The following NHSL2 variants were observed in gnomAD, a reference collection of about 807,000 sequenced individuals.
NHSL2 encodes the protein NHS like 2.
A neutral mutation model predicts 53.4 loss-of-function variants in NHSL2; 27 were observed. That is an observed-to-expected ratio of 0.51 (90% CI 0.37 to 0.70). NHSL2 has a LOEUF of 0.70. Among genes scored for constraint, NHSL2 ranks in the 30% least tolerant of loss-of-function variants. The pLI is 0.00. For synonymous variants in NHSL2, 408 were observed against 404.1 expected (o/e 1.01, Z -0.12); for missense variants, 892 against 980.1 (o/e 0.91, Z 1.20).
intron 1 of NHSL2, among the ~76,000 whole-genome samples, chrX:71,956,124 C>A (rs1274807592): frequency 1.8e-5 from 2 of 111,728 alleles, no homozygotes; most frequent in Non-Finnish European, 3.8e-5. Flanking sequence ...TCAGACCCTG[C>A]TCAACATTTG....
intron 6 of NHSL2, 110 bp from the exon 7 acceptor site, chrX:72,142,122 C>A: frequency 1.8e-6 from 1 of 543,595 alleles, no homozygotes; most frequent in Non-Finnish European, 2.8e-6. Context: ...AAATCTCCAC[C>A]CTGCTGCCCT....
chrX:71,963,972 T>C (rs770086131), intron 1 of NHSL2, among the ~76,000 whole-genome samples: 604 of 42,555 alleles, frequency 0.014, 29 homozygotes, highest in African/African-American at 0.082. Context: ...CATATATATA[T>C]ACATATATAT....
At chrX:72,142,197 G>A in intron 6 of NHSL2, 35 bp from the exon 7 acceptor site, 2 of 1,126,539 alleles carry the variant, frequency 1.8e-6, no homozygotes, top group Non-Finnish European at 2.4e-6. Flanking sequence ...TATCTACTGT[G>A]GTCAAAGTCA....
chrX:72,029,896 C>T (rs2042205875), intron 1 of NHSL2, among the ~76,000 whole-genome samples: 1 of 111,999 alleles, frequency 8.9e-6, no homozygotes, highest in Non-Finnish European at 1.9e-5. Context: ...TTGGGAATCA[C>T]TTTGTTTTCC....
At chrX:71,928,598 G>A (rs985112722) in intron 1 of NHSL2, among the ~76,000 whole-genome samples, 1 of 111,254 alleles carries the variant, frequency 9.0e-6, no homozygotes, top group African/African-American at 3.3e-5. Context: ...TTTGGAGTTG[G>A]GGAAAGCACT....
intron 1 of NHSL2, among the ~76,000 whole-genome samples, chrX:71,949,527 G>A (rs1040870470): frequency 3.6e-5 from 4 of 111,471 alleles, no homozygotes; most frequent in African/African-American, 1.3e-4. Context: ...GGAGTGAGCC[G>A]ATTTGTCCCA....
chrX:72,041,357 T>A (rs895883097), intron 1 of NHSL2, among the ~76,000 whole-genome samples: 1 of 112,038 alleles, frequency 8.9e-6, no homozygotes, highest in Non-Finnish European at 1.9e-5. Flanking sequence ...CTGGAGAGTC[T>A]GCACCCTGTC....
At chrX:71,973,806 T>A (rs1439340387) in intron 1 of NHSL2, among the ~76,000 whole-genome samples, 1 of 111,797 alleles carries the variant, frequency 8.9e-6, no homozygotes, top group Non-Finnish European at 1.9e-5. Flanking sequence ...CCCAGTCCTC[T>A]TGGCCACTTT....
chrX:72,038,034 G>C (rs932455490), intron 1 of NHSL2, among the ~76,000 whole-genome samples: 1 of 111,981 alleles, frequency 8.9e-6, no homozygotes, highest in Non-Finnish European at 1.9e-5. Flanking sequence ...TATTTGTTTC[G>C]GCAGCACAGG....
chrX:72,094,302 G>A (rs1328040123), intron 1 of NHSL2, among the ~76,000 whole-genome samples: 2 of 111,419 alleles, frequency 1.8e-5, no homozygotes, highest in African/African-American at 6.5e-5. Flanking sequence ...GAATGGTATG[G>A]ACAATTTGAT....
chrX:71,966,007 C>T (rs964772473), intron 1 of NHSL2: 3 of 112,530 alleles, frequency 2.7e-5, no homozygotes, highest in Admixed American at 9.4e-5. Flanking sequence ...TGCATGTCAT[C>T]CTTGCACAGA....
chrX:71,942,972 C>CTGTGTGTG (rs58935869), intron 1 of NHSL2, among the ~76,000 whole-genome samples: 65 of 74,018 alleles, frequency 8.8e-4, no homozygotes, highest in East Asian at 3.5e-3. Flanking sequence ...CTCTCTCTCT[C>CTGTGTGTG]TGTGTGTGTG....
At chrX:71,948,846 G>GTT (rs1372056580) in intron 1 of NHSL2, among the ~76,000 whole-genome samples, 1 of 34,004 alleles carries the variant, frequency 2.9e-5, no homozygotes, top group Non-Finnish European at 1.2e-4. Flanking sequence ...AAAAAATGTA[G>GTT]TTTTGTTTTT....
intron 1 of NHSL2, among the ~76,000 whole-genome samples, chrX:72,064,536 G>A (rs770964599): frequency 3.6e-5 from 4 of 112,124 alleles, no homozygotes; most frequent in Non-Finnish European, 5.6e-5. Context: ...AGTGACAGGG[G>A]TAGTTCTTGT....
intron 1 of NHSL2, chrX:72,129,752 G>A (rs2042264753): frequency 2.1e-6 from 2 of 966,025 alleles, no homozygotes; most frequent in African/African-American, 3.9e-5. Context: ...GTCAGCAAAT[G>A]GGGCAGGTAT....
intron 1 of NHSL2, among the ~76,000 whole-genome samples, chrX:72,028,981 G>T (rs2042200384): frequency 8.9e-6 from 1 of 112,300 alleles, no homozygotes; most frequent in Non-Finnish European, 1.9e-5. Flanking sequence ...GGCATGCTGG[G>T]ATCTCAGCCA....
At chrX:72,089,071 G>A (rs6525568) in intron 1 of NHSL2, among the ~76,000 whole-genome samples, 32,851 of 109,926 alleles carry the variant, frequency 0.3, 4,593 homozygotes, top group East Asian at 0.69. Context: ...TCTGACTGGG[G>A]GAACAAAAGC....
At chrX:72,141,923 A>G (rs1198852744) in intron 6 of NHSL2, among the ~76,000 whole-genome samples, 2 of 111,712 alleles carry the variant, frequency 1.8e-5, no homozygotes, top group Non-Finnish European at 3.8e-5. Context: ...AGTTTAGATC[A>G]CTCCCAGCTC....
At chrX:72,085,906 TCCTCTTC>T (rs2041839258) in intron 1 of NHSL2, among the ~76,000 whole-genome samples, 1 of 110,154 alleles carries the variant, frequency 9.1e-6, no homozygotes, top group Non-Finnish European at 1.9e-5. Flanking sequence ...GTCCTTTTTC[TCCTCTTC>T]CTTCCCTGCC....
Sources: gnomAD v4.1 joint callset for allele counts (sites outside exome capture counted in the v4.1 genomes callset) on GRCh38, gnomAD v4.1.1 for gene constraint, MANE v1.5 for transcripts, NCBI Gene and HGNC (gene_info 2026-07-23, HGNC 2026-07-21) for gene names.